Variants in SIGLEC9 observed in about 807,000 individuals in gnomAD.
SIGLEC9 encodes sialic acid-binding Ig-like lectin 9.
Under a neutral mutation model 38.3 loss-of-function variants are expected in SIGLEC9, and 26 were observed. That is an observed-to-expected ratio of 0.68 (90% CI 0.50 to 0.94). SIGLEC9 has a LOEUF of 0.94. Ranked by LOEUF, SIGLEC9 falls within the 40% of genes least tolerant of loss-of-function variation. SIGLEC9 has a pLI of 0.00. For synonymous variants in SIGLEC9, 236 were observed against 248.0 expected (o/e 0.95, Z 0.45); for missense variants, 556 against 585.7 (o/e 0.95, Z 0.52).
rs2091966126 is a variant in SIGLEC9 at position 51,124,989 on chromosome 19, G to A, written c.15G>A (p.Leu5=). MLLL[L]LPLLWGRERA... Reference sequence around the variant, plus strand: ...TAACCCCAGACATGCTGCTGCTGCTGCTGCCCCTGCTCTGGGGGAGGGAGA... The same window carrying A: ...TAACCCCAGACATGCTGCTGCTGCTACTGCCCCTGCTCTGGGGGAGGGAGA... The change falls in exon 1 of 7, where the codon CTG becomes CTA. Residue 5 remains leucine, a synonymous_variant. Coordinates refer to ENST00000250360, the MANE Select transcript of SIGLEC9 (RefSeq NM_014441.3). 1 of 1,606,600 alleles carries A rather than the reference G, an allele frequency of 6.2e-7. No individual in the cohort carries two copies. The highest frequency in any genetic ancestry group is 8.5e-7 in the Non-Finnish European group (1 of 1,175,754).
intron 2 of SIGLEC9, 58 bp downstream of exon 2, chr19:51,125,933 C>G (rs2091976400): frequency 1.2e-6 from 2 of 1,606,480 alleles, no homozygotes. Context: ...AGCCTGGACA[C>G]TGGGTGCTGG....
At chr19:51,135,822 G>C (rs2092038508) in intron 6 of SIGLEC9, 2 of 578,706 alleles carry the variant, frequency 3.5e-6, no homozygotes, top group Non-Finnish European at 6.1e-6. Context: ...CAGAGAACTG[G>C]TCTTTGAGCT....
At chr19:51,127,741 G>GAA (rs5828458) in intron 4 of SIGLEC9, among the ~76,000 whole-genome samples, 12 of 151,748 alleles carry the variant, frequency 7.9e-5, no homozygotes, top group African/African-American at 2.7e-4. Flanking sequence ...TTAAAATTGT[G>GAA]AAAAAAAACC....
At chr19:51,128,065 G>C in intron 5 of SIGLEC9, 26 bp downstream of exon 5, 1 of 1,569,230 alleles carries the variant, frequency 6.4e-7, no homozygotes, top group Non-Finnish European at 8.8e-7. Flanking sequence ...AGAGAGGGAG[G>C]GAGGGAGAGC....
upstream of SIGLEC9, chr19:51,120,677 G>T: frequency 3.3e-5 from 6 of 183,944 alleles, no homozygotes; most frequent in South Asian, 6.9e-4. This position sits in a 1 kb window ranked among gnomAD's most constrained non-coding sequence, Gnocchi z 4.1. Flanking sequence ...ACAGCCATGT[G>T]ACCATGGCAG....
chr19:51,131,204 G>T (rs1568614338), downstream of SIGLEC9, among the ~76,000 whole-genome samples: 1 of 152,164 alleles, frequency 6.6e-6, no homozygotes, highest in Non-Finnish European at 1.5e-5. Context: ...GAAATCAAAG[G>T]ACTGGAGGAA....
chr19:51,133,498 G>A (rs1328924389), downstream of SIGLEC9, among the ~76,000 whole-genome samples: 2 of 152,004 alleles, frequency 1.3e-5, no homozygotes, highest in Non-Finnish European at 2.9e-5. Flanking sequence ...AAGCAGAATT[G>A]CTTGAACCCA....
At chr19:51,132,367 G>C (rs528300916), downstream of SIGLEC9, among the ~76,000 whole-genome samples, 3 of 152,258 alleles carry the variant, frequency 2.0e-5, no homozygotes, top group Admixed American at 6.5e-5. Context: ...AGGCATTTGA[G>C]GTCGAGGCAT....
chr19:51,129,831 G>T, intron 6 of SIGLEC9, 60 bp from the exon 7 acceptor site: 1 of 1,267,384 alleles, frequency 7.9e-7, no homozygotes, highest in South Asian at 1.4e-5. Flanking sequence ...TTACAGATGT[G>T]AGCCACCGCG....
At chr19:51,131,290 A>G (rs1042278640), downstream of SIGLEC9, among the ~76,000 whole-genome samples, 3 of 152,056 alleles carry the variant, frequency 2.0e-5, no homozygotes, top group Non-Finnish European at 2.9e-5. Context: ...CCAAGGAACA[A>G]TTTTTTAAAA....
intron 3 of SIGLEC9, 115 bp downstream of exon 3, chr19:51,126,243 A>T: frequency 9.7e-7 from 1 of 1,033,242 alleles, no homozygotes; most frequent in South Asian, 1.3e-5. Context: ...CTTGTGGGTG[A>T]ACTCAGGGCC....
upstream of SIGLEC9, among the ~76,000 whole-genome samples, chr19:51,121,010 A>C (rs2091949183): frequency 6.6e-6 from 1 of 151,712 alleles, no homozygotes; most frequent in South Asian, 2.1e-4. Flanking sequence ...ATGTCCAGCT[A>C]ATTTTTAAAT....
chr19:51,126,423 T>C lies in SIGLEC9; in HGVS notation c.748+295T>C, dbSNP rs375293664. Among the ~76,000 whole-genome samples, 38 of 152,026 alleles carry C rather than the reference T, an allele frequency of 2.5e-4. 2 individuals carry two copies. The South Asian group carries it at 4.2e-3, about 17-fold the overall frequency. ...GTATCTCCTGAATACATCTCCACCCTTATCTGTTTATTTCTGATAGTTCTG... is the reference window on the plus strand; with the variant it reads ...GTATCTCCTGAATACATCTCCACCCCTATCTGTTTATTTCTGATAGTTCTG... On this transcript the variant is annotated intron_variant, in intron 3 of 6. Coordinates refer to ENST00000250360, the MANE Select transcript of SIGLEC9 (RefSeq NM_014441.3).
At chr19:51,136,022 A>G (rs2092039360) in exon 7 of SIGLEC9, 1 of 703,530 alleles carries the variant, frequency 1.4e-6, no homozygotes, top group Non-Finnish European at 2.6e-6. Flanking sequence ...GTTTCTCCTG[A>G]ATCTCCGTGA....
chr19:51,128,406 T>C lies in SIGLEC9; in HGVS notation c.1107-8T>C. On this transcript the variant is annotated splice_region_variant and splice_polypyrimidine_tract_variant and intron_variant, in intron 5 of 6. Coordinates refer to ENST00000250360, the MANE Select transcript of SIGLEC9 (RefSeq NM_014441.3). ...CACACTGAAAGGCTCTCTGGTCTCT[T>C]CACTCAGAGTGAGGTCCTGCAGGAA... 1 of 1,613,786 alleles carries C rather than the reference T, an allele frequency of 6.2e-7. No homozygotes were observed. Among genetic ancestry groups the C allele is most frequent in the Non-Finnish European group, 8.5e-7 (1 of 1,179,744 alleles).
intron 1 of SIGLEC9, 96 bp from the exon 2 acceptor site, chr19:51,125,501 T>G: frequency 1.3e-6 from 2 of 1,558,144 alleles, no homozygotes; most frequent in South Asian, 1.2e-5. Context: ...GTGAAGCGAG[T>G]TGGCTCAGGG....
chr19:51,136,040 T>A, exon 7 of SIGLEC9: 1 of 703,804 alleles, frequency 1.4e-6, no homozygotes, highest in South Asian at 1.5e-5. Context: ...TGATCTTTGT[T>A]GCCATCCAGA....
At chr19:51,123,588 T>C (rs988863712), upstream of SIGLEC9, among the ~76,000 whole-genome samples, 9 of 152,166 alleles carry the variant, frequency 5.9e-5, 1 homozygote, top group African/African-American at 9.7e-5. Flanking sequence ...TAGAAAAGCA[T>C]GGAGACCATT....
chr19:51,128,680 CT>C (rs2091995299), intron 6 of SIGLEC9, 170 bp downstream of exon 6: 2 of 601,554 alleles, frequency 3.3e-6, no homozygotes, highest in South Asian at 2.0e-5. Context: ...CTAAGAACAG[CT>C]TTTATTGTCT....
Sources: allele counts gnomAD v4.1 joint callset (sites outside exome capture counted in the v4.1 genomes callset), GRCh38; gene constraint gnomAD v4.1.1; non-coding constraint Gnocchi (gnomAD v3.1); transcripts MANE v1.5; gene names NCBI Gene and HGNC (gene_info 2026-07-23, HGNC 2026-07-21).